The following TSNARE1 variants were observed in gnomAD, a reference collection of about 807,000 sequenced individuals.
TSNARE1 encodes the protein t-SNARE domain containing 1.
In TSNARE1, 49 loss-of-function variants were observed where a neutral mutation model predicts 62.0. The ratio of observed to expected loss-of-function variants is 0.79; its 90% CI spans 0.63 to 1.00. The LOEUF (loss-of-function observed/expected upper bound fraction) is 1.00. Ranked by LOEUF, TSNARE1 falls within the 50% of genes least tolerant of loss-of-function variation. The pLI, the probability that TSNARE1 is intolerant of heterozygous loss-of-function variation, is 0.00. For synonymous variants in TSNARE1, 328 were observed against 294.4 expected (o/e 1.11, Z -1.17); for missense variants, 755 against 700.1 (o/e 1.08, Z -0.88).
Position 142,314,395 on chromosome 8 carries a change from C to T in TSNARE1, c.1120G>A (p.Gly374Ser), listed in dbSNP as rs1216561035. ...TACTCGGCACCCACCTGTTTACTGC[C>T]CCTCTGCGCCATGGGAAGCAGCGCT... ...SRALLPMAQR[G>S]SKQSPQAPFA... Residue 374 changes from glycine (G) to serine (S), a missense_variant, in exon 9 of 14, where the codon GGC (glycine) becomes AGC (serine). Coordinates refer to ENST00000524325, the MANE Select transcript of TSNARE1 (RefSeq NM_145003.5). 6.2e-7 allele frequency: 1 copy of T among 1,613,934 alleles called. No homozygotes were observed. The highest frequency in any genetic ancestry group is 2.2e-5 in the East Asian group (1 of 44,884).
chr8:142,315,083 G>A lies in TSNARE1; in HGVS notation c.994C>T (p.Leu332=). The A allele has an allele frequency of 6.2e-7, 1 of 1,614,082 alleles. No individual in the cohort carries two copies. The highest frequency in any genetic ancestry group is 8.5e-7 in the Non-Finnish European group (1 of 1,180,024). The change falls in exon 8 of 14, where the codon CTG becomes TTG. Residue 332 remains leucine, a synonymous_variant. Coordinates refer to ENST00000524325, the MANE Select transcript of TSNARE1 (RefSeq NM_145003.5). ...TCCAGCTGAGGACGCTCCTGCTGCA[G>A]ACGCTCCTGCTGCAGAGAAGGTACA... ...LLRSSCPQER[L]QQERPQLDRL...
intron 1 of TSNARE1, among the ~76,000 whole-genome samples, chr8:142,371,630 G>A (rs1174751748): frequency 6.6e-6 from 1 of 152,178 alleles, no homozygotes; most frequent in African/African-American, 2.4e-5. Context: ...GAGCACAAAG[G>A]CAACTTGCAG....
At chr8:142,274,722 T>G in intron 12 of TSNARE1, 59 bp downstream of exon 12, 1 of 1,428,608 alleles carries the variant, frequency 7.0e-7, no homozygotes, top group Non-Finnish European at 9.2e-7. Flanking sequence ...GAGGGAGGGT[T>G]GGAGGATAGG....
intron 2 of TSNARE1, among the ~76,000 whole-genome samples, chr8:142,350,188 T>A (rs28615260): frequency 1.4e-4 from 5 of 36,340 alleles, no homozygotes; most frequent in Non-Finnish European, 2.1e-4. Flanking sequence ...GGCTGGGACC[T>A]CGGCAGGCAG....
chr8:142,308,160 A>G (rs11988550), intron 9 of TSNARE1, among the ~76,000 whole-genome samples: 83,027 of 152,076 alleles, frequency 0.55, 23,997 homozygotes, highest in African/African-American at 0.74. Flanking sequence ...CACGTGTTGT[A>G]CAAACGCCCT....
chr8:142,216,124 G>A (rs113182709), intron 13 of TSNARE1, among the ~76,000 whole-genome samples: 2,381 of 152,220 alleles, frequency 0.016, 30 homozygotes, highest in Non-Finnish European at 0.025. Context: ...ACTCCCTGCC[G>A]CCCCTCAGCC....
At chr8:142,375,322 C>G (rs900097611) in intron 1 of TSNARE1, among the ~76,000 whole-genome samples, 1 of 152,242 alleles carries the variant, frequency 6.6e-6, no homozygotes, top group African/African-American at 2.4e-5. Context: ...GGACAGAGAG[C>G]AGCAGTGGAG....
chr8:142,342,144 A>C (rs1394968086), intron 4 of TSNARE1, among the ~76,000 whole-genome samples: 1 of 152,236 alleles, frequency 6.6e-6, no homozygotes, highest in African/African-American at 2.4e-5. Flanking sequence ...ACGGCCCCCA[A>C]CTGTGCCAAG....
At chr8:142,397,393 G>A (rs1281329325) in intron 1 of TSNARE1, among the ~76,000 whole-genome samples, 2 of 152,206 alleles carry the variant, frequency 1.3e-5, no homozygotes, top group Non-Finnish European at 2.9e-5. Context: ...CAAGTCTCTG[G>A]GACAGACACA....
At chr8:142,306,308 G>A (rs1477025551) in intron 9 of TSNARE1, among the ~76,000 whole-genome samples, 3 of 152,206 alleles carry the variant, frequency 2.0e-5, no homozygotes, top group African/African-American at 2.4e-5. Context: ...CAGCCAGCCC[G>A]TGAGAGTGAA....
At position 142,221,637 on chromosome 8, in the gene TSNARE1, TGACTCGTTCATTCATC is replaced by T. The variant is rs1345522670; in HGVS notation, c.*11+7820_*11+7835del. On this transcript the variant is annotated intron_variant, in intron 13 of 13. Coordinates refer to ENST00000524325, the MANE Select transcript of TSNARE1 (RefSeq NM_145003.5). ...CTCACTCACTCATTCACAAACTCAT[TGACTCGTTCATTCATC>T]CACTCACTCACTCACTCATCCACTC... Among the ~76,000 whole-genome samples the T allele has an allele frequency of 3.9e-5, 6 of 152,108 alleles. 1 individual carries two copies. The highest frequency in any genetic ancestry group is 1.2e-4 in the African/African-American group (5 of 41,408).
intron 11 of TSNARE1, chr8:142,278,723 C>A (rs1298965624): frequency 1.0e-6 from 1 of 985,274 alleles, no homozygotes; most frequent in Admixed American, 6.1e-5. Flanking sequence ...CTGGAGTGGG[C>A]CCGTGGGCTC....
In TSNARE1 at chr8:142,345,837, T is replaced by A. The variant is rs534192891; in HGVS notation, c.144A>T (p.Pro48=). The A allele has an allele frequency of 2.2e-5, 35 of 1,614,016 alleles. No individual in the cohort carries two copies. In the Admixed American group the frequency reaches 3.7e-4, roughly 17 times the overall value. Residue 48 remains proline (P), a synonymous_variant, in exon 3 of 14, where the codon CCA becomes CCT. Transcript: ENST00000524325. ...CACAGCGGTTCTGCAGCTTGCTCTC[T>A]GGCGACGGGCAGGGGAAATGGCGGA... ...YGIRHFPCPS[P]ESKLQNRCVG...
chr8:142,354,883 C>T (rs1007047040), intron 1 of TSNARE1, 120 bp from the exon 2 acceptor site: 1 of 612,952 alleles, frequency 1.6e-6, no homozygotes, highest in African/African-American at 1.9e-5. Context: ...TCCATTGTAC[C>T]CATTCCCTAG....
intron 2 of TSNARE1, 96 bp downstream of exon 2, chr8:142,354,541 A>G (rs918586968): frequency 8.3e-6 from 7 of 842,204 alleles, no homozygotes; most frequent in Non-Finnish European, 1.3e-5. Flanking sequence ...AAAAGAACAG[A>G]ACTGGTTTCC....
chr8:142,344,494 G>C (rs1026702550), intron 3 of TSNARE1, 22 bp from the exon 4 acceptor site: 1 of 1,498,360 alleles, frequency 6.7e-7, no homozygotes, highest in African/African-American at 1.4e-5. Context: ...CCAAAAGGCG[G>C]ATGTTTAAGG....
intron 11 of TSNARE1, chr8:142,275,663 GAGGTTCCTTGCA>G: frequency 1.0e-6 from 1 of 985,456 alleles, no homozygotes; most frequent in South Asian, 4.7e-5. Flanking sequence ...TTCCCGGAGG[GAGGTTCCTTGCA>G]AGGCCTGCCT....
At chr8:142,223,951 G>T (rs56318186) in intron 13 of TSNARE1, among the ~76,000 whole-genome samples, 136,050 of 151,952 alleles carry the variant, frequency 0.9, 60,985 homozygotes, top group Non-Finnish European at 0.92. Flanking sequence ...CCAGGGGAGG[G>T]CTTTCTGCCA....
At chr8:142,250,380 G>A (rs943491255) in intron 12 of TSNARE1, among the ~76,000 whole-genome samples, 11 of 152,262 alleles carry the variant, frequency 7.2e-5, no homozygotes, top group Middle Eastern at 3.4e-3. Context: ...GGAGCAGTGG[G>A]TGCCAAGGCA....
Sources: gnomAD v4.1 joint callset for allele counts (sites outside exome capture counted in the v4.1 genomes callset) on GRCh38, gnomAD v4.1.1 for gene constraint, MANE v1.5 for transcripts, NCBI Gene and HGNC (gene_info 2026-07-23, HGNC 2026-07-21) for gene names.